VPS13B: variants seen among roughly 807,000 people sequenced by gnomAD.
VPS13B encodes the protein vacuolar protein sorting 13 homolog B.
In VPS13B, 285 loss-of-function variants were observed where a neutral mutation model predicts 426.4. The observed-to-expected ratio is 0.67, with a 90% CI of 0.61 to 0.74. The LOEUF (loss-of-function observed/expected upper bound fraction) is 0.74. Among genes scored for constraint, VPS13B ranks in the 30% least tolerant of loss-of-function variants. The probability of loss-of-function intolerance (pLI) is 0.00; values close to 1 mark genes in which losing one functional copy is unlikely to be tolerated. For synonymous variants in VPS13B, 1,676 were observed against 1,676.4 expected (o/e 1.00, Z 0.01); for missense variants, 4,537 against 4,782.6 (o/e 0.95, Z 1.51).
rs564520442 is a variant in VPS13B, at chr8:99,621,914, A to G, written c.5221-19897A>G. Among the ~76,000 whole-genome samples, 13 of 145,028 alleles carry G rather than the reference A, an allele frequency of 9.0e-5. No homozygotes were observed. In the South Asian group the frequency reaches 1.5e-3, roughly 17 times the overall value. On this transcript the variant is annotated intron_variant, in intron 33 of 61. Coordinates refer to ENST00000357162, the MANE Select transcript of VPS13B (RefSeq NM_152564.5). ...AGTAGCACAATCTCGACTCACTGCA[A>G]CCTCCGCCTCCCAGGTTCAAGCGAT...
At chr8:99,562,811 A>T (rs1317946839) in intron 31 of VPS13B, among the ~76,000 whole-genome samples, 1 of 152,094 alleles carries the variant, frequency 6.6e-6, no homozygotes, top group East Asian at 1.9e-4. Flanking sequence ...CCATTGAATG[A>T]TCCTGTCACC....
intron 39 of VPS13B, among the ~76,000 whole-genome samples, chr8:99,758,793 A>G (rs1443160892): frequency 6.6e-6 from 1 of 152,016 alleles, no homozygotes; most frequent in African/African-American, 2.4e-5. Flanking sequence ...TCCTTGATTA[A>G]TGAACTCTCC....
At chr8:99,142,914 T>A in intron 12 of VPS13B, 60 bp from the exon 13 acceptor site, 2 of 1,527,618 alleles carry the variant, frequency 1.3e-6, no homozygotes, top group East Asian at 2.4e-5. Flanking sequence ...AGAGCGATTT[T>A]AAAATATTTA....
At chr8:99,837,520 G>A (rs191948012) in intron 54 of VPS13B, among the ~76,000 whole-genome samples, 271 of 152,156 alleles carry the variant, frequency 1.8e-3, no homozygotes, top group African/African-American at 5.8e-3. Context: ...CTTATTTTGG[G>A]GATTCCCATT....
chr8:99,684,618 A>G (rs1445096762), intron 35 of VPS13B, among the ~76,000 whole-genome samples: 2 of 152,194 alleles, frequency 1.3e-5, no homozygotes, highest in African/African-American at 4.8e-5. Flanking sequence ...CTGTTACCAT[A>G]TACTTTTCAA....
intron 19 of VPS13B, among the ~76,000 whole-genome samples, chr8:99,275,589 C>A (rs1193568286): frequency 1.3e-5 from 2 of 151,810 alleles, no homozygotes; most frequent in African/African-American, 4.8e-5. Context: ...ACTTTGTAAC[C>A]CAAGTTTGTC....
At chr8:99,423,254 T>A (rs1461861953) in intron 21 of VPS13B, among the ~76,000 whole-genome samples, 1 of 151,872 alleles carries the variant, frequency 6.6e-6, no homozygotes, top group Non-Finnish European at 1.5e-5. Context: ...ATAGAAAAAG[T>A]ATGTGTGAAT....
At position 99,797,828 on chromosome 8, in the gene VPS13B, A is replaced by G. The variant is rs1299235736; in HGVS notation, c.7942-11547A>G. Among the ~76,000 whole-genome samples the G allele has an allele frequency of 3.3e-5, 5 of 152,328 alleles. No homozygotes were observed. In the South Asian group the frequency reaches 6.2e-4, roughly 19 times the overall value. On this transcript the variant is annotated intron_variant, in intron 43 of 61. Transcript: ENST00000357162. ...TGTTTATCATAAACTGAAAGTATAT[A>G]GTGTAATCACTAAATATTATATATT...
intron 35 of VPS13B, among the ~76,000 whole-genome samples, chr8:99,699,086 A>T (rs1345228910): frequency 6.6e-6 from 1 of 151,628 alleles, no homozygotes; most frequent in African/African-American, 2.4e-5. Context: ...TTTATTAGTA[A>T]TACCATTATT....
Position 99,111,953 on chromosome 8 carries a change from C to T in VPS13B, c.762+674C>T, listed in dbSNP as rs1847393692. 2.0e-5 allele frequency among the ~76,000 whole-genome samples: 3 copies of T among 152,226 alleles called. No individual in the cohort carries two copies. In the South Asian group the frequency reaches 6.2e-4, roughly 32 times the overall value. The stretch of plus-strand genomic sequence containing the variant: ...TTTTCAGCCCTTTTTTCCTCTCCCT[C>T]CTTCCCTCCTTTTAGAATCCACACT... On this transcript the variant is annotated intron_variant, in intron 6 of 61. Transcript: ENST00000357162.
chr8:99,113,124 C>T (rs981834897), intron 6 of VPS13B, among the ~76,000 whole-genome samples: 2 of 138,298 alleles, frequency 1.4e-5, no homozygotes, highest in African/African-American at 2.6e-5. Flanking sequence ...TCTTTACCTT[C>T]GAGGCTCCCT....
At chr8:99,142,941 G>T in intron 12 of VPS13B, 33 bp from the exon 13 acceptor site, 1 of 1,586,220 alleles carries the variant, frequency 6.3e-7, no homozygotes, top group South Asian at 1.1e-5. Flanking sequence ...ATATCCAATT[G>T]ATGCTTAAAA....
intron 39 of VPS13B, among the ~76,000 whole-genome samples, chr8:99,743,359 G>C (rs1374855345): frequency 6.6e-6 from 1 of 151,708 alleles, no homozygotes; most frequent in Admixed American, 6.6e-5. Flanking sequence ...CATGCTCATG[G>C]GTAGGAAGAA....
intron 35 of VPS13B, among the ~76,000 whole-genome samples, chr8:99,685,362 G>A (rs1265458476): frequency 6.6e-6 from 1 of 152,222 alleles, no homozygotes; most frequent in Admixed American, 6.5e-5. Context: ...TCTCTGTTCA[G>A]GGTCTCACAA....
chr8:99,049,476 T>A (rs1843414674), intron 3 of VPS13B, among the ~76,000 whole-genome samples: 1 of 152,138 alleles, frequency 6.6e-6, no homozygotes, highest in Non-Finnish European at 1.5e-5. Context: ...TTAAGGAGGC[T>A]GAAGATAGGG....
intron 51 of VPS13B, among the ~76,000 whole-genome samples, chr8:99,828,299 T>C (rs1298657071): frequency 6.6e-6 from 1 of 151,748 alleles, no homozygotes; most frequent in Non-Finnish European, 1.5e-5. Context: ...TCTACTTACA[T>C]TGATCCCTTT....
At chr8:99,192,486 A>G (rs1813658073) in intron 16 of VPS13B, among the ~76,000 whole-genome samples, 1 of 152,176 alleles carries the variant, frequency 6.6e-6, no homozygotes, top group African/African-American at 2.4e-5. Flanking sequence ...TCATAGAGTT[A>G]TTATGGAAGG....
At chr8:99,577,457 T>C in intron 32 of VPS13B, 33 bp from the exon 33 acceptor site, 1 of 1,613,076 alleles carries the variant, frequency 6.2e-7, no homozygotes, top group African/African-American at 1.3e-5. Context: ...GCTATCATGT[T>C]TCTTTATCTG....
chr8:99,064,910 T>C (rs1844395569), intron 3 of VPS13B, among the ~76,000 whole-genome samples: 1 of 152,228 alleles, frequency 6.6e-6, no homozygotes, highest in Non-Finnish European at 1.5e-5. Flanking sequence ...AGCTGATCTC[T>C]CAGCAGAAAC....
Sources: gnomAD v4.1 joint callset for allele counts (sites outside exome capture counted in the v4.1 genomes callset) on GRCh38, gnomAD v4.1.1 for gene constraint, MANE v1.5 for transcripts, NCBI Gene and HGNC (gene_info 2026-07-23, HGNC 2026-07-21) for gene names.